Variants in KCNJ3 observed in about 807,000 individuals in gnomAD.
KCNJ3 encodes potassium inwardly rectifying channel subfamily J member 3, also known as G protein-activated inward rectifier potassium channel 1.
KCNJ3 carries 4 observed loss-of-function variants against 39.2 expected under a neutral mutation model. That is an observed-to-expected ratio of 0.10 (90% confidence interval 0.05 to 0.23). The LOEUF is 0.23. Ranked by LOEUF, KCNJ3 falls within the 10% of genes least tolerant of loss-of-function variation. The pLI is 1.00. For synonymous variants in KCNJ3, 230 were observed against 237.4 expected (o/e 0.97, Z 0.29); for missense variants, 276 against 634.9 (o/e 0.43, Z 6.08).
chr2:154,770,687 T>G (rs1404228228), intron 2 of KCNJ3, among the ~76,000 whole-genome samples: 1 of 152,046 alleles, frequency 6.6e-6, no homozygotes, highest in Non-Finnish European at 1.5e-5. Context: ...TCCATAAAGA[T>G]CCTCTAATTT....
At chr2:154,816,012 A>G (rs1043044975) in intron 2 of KCNJ3, among the ~76,000 whole-genome samples, 3 of 152,126 alleles carry the variant, frequency 2.0e-5, no homozygotes, top group Non-Finnish European at 2.9e-5. Flanking sequence ...CAAGCCAATT[A>G]TTTGTTTGCT....
rs2105192218 is a variant in KCNJ3 at position 154,765,897 on chromosome 2, A to C, written c.919+56078A>C. On this transcript the variant is annotated intron_variant, in intron 2 of 2. Coordinates refer to ENST00000295101, the MANE Select transcript of KCNJ3 (RefSeq NM_002239.4). ...CTGTGATGAAAAAGCAAATACTAGA[A>C]GAAAAATCAATCTGGAACAGAAAAC... 2.0e-5 allele frequency among the ~76,000 whole-genome samples: 3 copies of C among 152,340 alleles called. 1 individual carries two copies. The South Asian group carries it at 6.2e-4, about 32-fold the overall frequency.
At chr2:154,758,943 T>C (rs920220946) in intron 2 of KCNJ3, among the ~76,000 whole-genome samples, 1 of 152,224 alleles carries the variant, frequency 6.6e-6, no homozygotes, top group Non-Finnish European at 1.5e-5. Context: ...TATGTTTAGT[T>C]ATTTCAAGTT....
chr2:154,775,737 A>T (rs551870702), intron 2 of KCNJ3, among the ~76,000 whole-genome samples: 1 of 152,282 alleles, frequency 6.6e-6, no homozygotes. Flanking sequence ...GGTTTATAGA[A>T]GTTCTCCACT....
intron 2 of KCNJ3, among the ~76,000 whole-genome samples, chr2:154,841,097 A>AGAT (rs1341891278): frequency 1.3e-5 from 2 of 152,196 alleles, no homozygotes; most frequent in Non-Finnish European, 2.9e-5. Flanking sequence ...TATTATTTCA[A>AGAT]GATACATTCC....
At chr2:154,708,863 T>A (rs1451544558) in intron 1 of KCNJ3, among the ~76,000 whole-genome samples, 1 of 152,178 alleles carries the variant, frequency 6.6e-6, no homozygotes, top group African/African-American at 2.4e-5. Context: ...AGGTATAGCT[T>A]TTTGAAATTG....
At chr2:154,735,767 T>A (rs72875707) in intron 2 of KCNJ3, among the ~76,000 whole-genome samples, 1,637 of 152,290 alleles carry the variant, frequency 0.011, 17 homozygotes, top group Non-Finnish European at 0.014. Context: ...ATTTTAATAT[T>A]TATTTTCTGC....
chr2:154,814,799 A>G (rs1687056552), intron 2 of KCNJ3, among the ~76,000 whole-genome samples: 2 of 152,166 alleles, frequency 1.3e-5, no homozygotes, highest in African/African-American at 4.8e-5. Context: ...TCAGGTAAAA[A>G]TTTGTAATCA....
intron 2 of KCNJ3, among the ~76,000 whole-genome samples, chr2:154,741,993 A>G (rs1685661910): frequency 6.6e-6 from 1 of 151,744 alleles, no homozygotes. Context: ...AATTCTTTTC[A>G]TCTTAAAACT....
chr2:154,808,408 T>A (rs554364381), intron 2 of KCNJ3, among the ~76,000 whole-genome samples: 3 of 152,130 alleles, frequency 2.0e-5, no homozygotes, highest in African/African-American at 7.2e-5. Flanking sequence ...TAAAATGTGT[T>A]GAGGTGGATT....
At chr2:154,708,135 A>G (rs1035246604) in intron 1 of KCNJ3, among the ~76,000 whole-genome samples, 1 of 149,696 alleles carries the variant, frequency 6.7e-6, no homozygotes, top group Non-Finnish European at 1.5e-5. Flanking sequence ...TTTCAGCCAC[A>G]CACAAGTTAG....
intron 2 of KCNJ3, among the ~76,000 whole-genome samples, chr2:154,843,204 T>C (rs1030878623): frequency 6.6e-6 from 1 of 152,172 alleles, no homozygotes; most frequent in African/African-American, 2.4e-5. Flanking sequence ...GAAGCTTAGT[T>C]TGGCTGGATC....
intron 2 of KCNJ3, among the ~76,000 whole-genome samples, chr2:154,768,713 A>G (rs1373119496): frequency 6.6e-6 from 1 of 152,096 alleles, no homozygotes. Context: ...GTTTTTTCTA[A>G]TTCTGTGAAT....
chr2:154,801,545 CTTTCT>C (rs375418837), intron 2 of KCNJ3, among the ~76,000 whole-genome samples: 14 of 137,360 alleles, frequency 1.0e-4, no homozygotes, highest in Admixed American at 8.2e-4. Context: ...TTCTTTCTTT[CTTTCT>C]TTTCTTTTCT....
At chr2:154,766,138 C>A (rs1686128954) in intron 2 of KCNJ3, among the ~76,000 whole-genome samples, 2 of 152,100 alleles carry the variant, frequency 1.3e-5, no homozygotes, top group African/African-American at 4.8e-5. Context: ...AGAAGTAGAA[C>A]AATAGATATT....
chr2:154,803,846 G>T (rs1052017624), intron 2 of KCNJ3, among the ~76,000 whole-genome samples: 3 of 151,932 alleles, frequency 2.0e-5, no homozygotes, highest in Non-Finnish European at 4.4e-5. Flanking sequence ...CGCTGATTAG[G>T]CTGTGTGTGA....
chr2:154,775,158 C>T (rs1686310989), intron 2 of KCNJ3, among the ~76,000 whole-genome samples: 1 of 152,204 alleles, frequency 6.6e-6, no homozygotes, highest in African/African-American at 2.4e-5. Flanking sequence ...CTCAAGCAAT[C>T]AGTCCACCTC....
intron 2 of KCNJ3, among the ~76,000 whole-genome samples, chr2:154,851,931 G>A (rs370843651): frequency 8.6e-5 from 13 of 151,672 alleles, no homozygotes; most frequent in Middle Eastern, 3.4e-3. Context: ...TGTTATTTTC[G>A]CAATGTGAAA....
chr2:154,839,437 T>C (rs1558887681), intron 2 of KCNJ3, among the ~76,000 whole-genome samples: 5 of 152,246 alleles, frequency 3.3e-5, no homozygotes, highest in Admixed American at 2.6e-4. Context: ...TATAATCCTT[T>C]GGGTATATAC....
Sources: gnomAD v4.1 joint callset for allele counts (sites outside exome capture counted in the v4.1 genomes callset) on GRCh38, gnomAD v4.1.1 for gene constraint, MANE v1.5 for transcripts, NCBI Gene and HGNC (gene_info 2026-07-23, HGNC 2026-07-21) for gene names.